OPCML: variants seen among roughly 807,000 people sequenced by gnomAD.
OPCML encodes opioid binding protein/cell adhesion molecule like.
OPCML carries 13 observed loss-of-function variants against 37.8 expected under a neutral mutation model. The observed-to-expected ratio is 0.34, with a 90% CI of 0.22 to 0.55. The LOEUF (loss-of-function observed/expected upper bound fraction) is 0.55, where lower values mean the gene tolerates loss of function less well. OPCML is among the 20% of genes least tolerant of loss of function. OPCML has a pLI of 0.91. For synonymous variants in OPCML, 176 were observed against 168.8 expected (o/e 1.04, Z -0.33); for missense variants, 341 against 435.6 (o/e 0.78, Z 1.93).
At chr11:133,470,246 AAAC>A (rs1947073325) in intron 1 of OPCML, among the ~76,000 whole-genome samples, 1 of 152,218 alleles carries the variant, frequency 6.6e-6, no homozygotes, top group Non-Finnish European at 1.5e-5. Flanking sequence ...ACTTGAAATA[AAAC>A]AACATGATTT....
intron 2 of OPCML, among the ~76,000 whole-genome samples, chr11:132,783,061 G>A (rs1042105640): frequency 1.3e-5 from 2 of 151,740 alleles, no homozygotes; most frequent in African/African-American, 2.4e-5. Context: ...CACTGTGGAA[G>A]TTTGAAAAGG....
intron 2 of OPCML, among the ~76,000 whole-genome samples, chr11:132,727,008 C>T (rs1944910030): frequency 6.6e-6 from 1 of 152,164 alleles, no homozygotes; most frequent in Non-Finnish European, 1.5e-5. Flanking sequence ...ATTCTCTGTG[C>T]TCCTGAAGCT....
intron 4 of OPCML, among the ~76,000 whole-genome samples, chr11:132,438,802 G>T (rs533086312): frequency 3.0e-4 from 46 of 152,092 alleles, no homozygotes; most frequent in South Asian, 8.3e-4. Flanking sequence ...GGGTATAGGG[G>T]GTAAGGAGGC....
intron 2 of OPCML, among the ~76,000 whole-genome samples, chr11:132,878,468 G>A (rs1943104928): frequency 6.6e-6 from 1 of 152,136 alleles, no homozygotes; most frequent in Admixed American, 6.5e-5. Context: ...GCTTTGGCTG[G>A]GACATCAGTC....
intron 2 of OPCML, among the ~76,000 whole-genome samples, chr11:132,660,989 G>C (rs1591689366): frequency 1.3e-5 from 2 of 152,258 alleles, no homozygotes; most frequent in South Asian, 4.2e-4. Flanking sequence ...CCTTGTATAG[G>C]ACCAACCACT....
chr11:132,974,183 C>T (rs1946406844), intron 1 of OPCML, among the ~76,000 whole-genome samples: 1 of 152,198 alleles, frequency 6.6e-6, no homozygotes, highest in Non-Finnish European at 1.5e-5. Flanking sequence ...TTTACCCTTT[C>T]TATTTGAAAT....
At chr11:132,594,132 A>G (rs1187117871) in intron 3 of OPCML, among the ~76,000 whole-genome samples, 2 of 152,232 alleles carry the variant, frequency 1.3e-5, no homozygotes, top group Non-Finnish European at 2.9e-5. Context: ...CTACAAAGCA[A>G]CATCCAAAGG....
intron 3 of OPCML, among the ~76,000 whole-genome samples, chr11:132,620,890 G>C (rs1183372691): frequency 6.6e-6 from 1 of 152,202 alleles, no homozygotes; most frequent in Non-Finnish European, 1.5e-5. Context: ...CTGAGGTTGG[G>C]TGCAGCAGAG....
At chr11:133,043,672 C>T (rs1399927315) in intron 1 of OPCML, among the ~76,000 whole-genome samples, 1 of 152,126 alleles carries the variant, frequency 6.6e-6, no homozygotes, top group Non-Finnish European at 1.5e-5. Context: ...CATTTTTTGT[C>T]CATCCACTGA....
intron 1 of OPCML, among the ~76,000 whole-genome samples, chr11:132,953,588 T>C (rs956471460): frequency 6.6e-6 from 1 of 152,162 alleles, no homozygotes; most frequent in African/African-American, 2.4e-5. Flanking sequence ...AGCCATAAAA[T>C]GTGTTTTTTA....
intron 1 of OPCML, among the ~76,000 whole-genome samples, chr11:133,280,175 C>G (rs1458636598): frequency 6.6e-6 from 1 of 152,228 alleles, no homozygotes; most frequent in African/African-American, 2.4e-5. Context: ...AAACCACTCT[C>G]TCTGTTTCAT....
At chr11:133,452,198 A>G (rs931990212) in intron 1 of OPCML, among the ~76,000 whole-genome samples, 1 of 151,670 alleles carries the variant, frequency 6.6e-6, no homozygotes, top group Non-Finnish European at 1.5e-5. Flanking sequence ...GAATCAGTAG[A>G]CAAGTATTTT....
intron 1 of OPCML, among the ~76,000 whole-genome samples, chr11:133,169,743 C>A (rs1249437999): frequency 6.6e-6 from 1 of 152,088 alleles, no homozygotes; most frequent in Non-Finnish European, 1.5e-5. Context: ...GAGAAGGTTT[C>A]TTGGAGACAT....
chr11:132,561,823 T>A (rs1236207488), intron 3 of OPCML, among the ~76,000 whole-genome samples: 1 of 152,242 alleles, frequency 6.6e-6, no homozygotes, highest in African/African-American at 2.4e-5. Flanking sequence ...AATACATGTG[T>A]TGACATTAAT....
intron 2 of OPCML, among the ~76,000 whole-genome samples, chr11:132,844,910 AAGAG>A (rs1941453786): frequency 6.6e-6 from 1 of 151,562 alleles, no homozygotes; most frequent in Admixed American, 6.6e-5. Context: ...TACCCACATT[AAGAG>A]AGAGAAAGAA....
At chr11:132,534,507 C>T (rs566775768) in intron 3 of OPCML, among the ~76,000 whole-genome samples, 59 of 152,286 alleles carry the variant, frequency 3.9e-4, no homozygotes, top group Admixed American at 3.4e-3. Context: ...AAGACTTGAG[C>T]TGGAAAAGGC....
At chr11:132,766,999 T>G (rs944286620) in intron 2 of OPCML, among the ~76,000 whole-genome samples, 1 of 152,208 alleles carries the variant, frequency 6.6e-6, no homozygotes. Context: ...AAAATATTGA[T>G]TCACACAGAT....
At chr11:132,457,397 A>G (rs111667166) in intron 4 of OPCML, among the ~76,000 whole-genome samples, 3,367 of 152,310 alleles carry the variant, frequency 0.022, 79 homozygotes, top group African/African-American at 0.061. Flanking sequence ...ACACTGATAC[A>G]TTTACAAACA....
chr11:133,525,188 C>T (rs532286319), intron 1 of OPCML, among the ~76,000 whole-genome samples: 37 of 152,288 alleles, frequency 2.4e-4, no homozygotes, highest in African/African-American at 7.9e-4. Flanking sequence ...ACAGGGAAGC[C>T]TCGCCTACTT....
Sources: gnomAD v4.1 joint callset for allele counts (sites outside exome capture counted in the v4.1 genomes callset) on GRCh38, gnomAD v4.1.1 for gene constraint, MANE v1.5 for transcripts, NCBI Gene and HGNC (gene_info 2026-07-23, HGNC 2026-07-21) for gene names.